MXRA8: variants seen among roughly 807,000 people sequenced by gnomAD.
MXRA8 encodes matrix remodeling associated 8.
A neutral mutation model predicts 51.4 loss-of-function variants in MXRA8; 44 were observed. The observed-to-expected ratio is 0.86, with a 90% CI of 0.67 to 1.10. MXRA8 has a LOEUF of 1.10. Ranked by LOEUF, MXRA8 falls within the 50% of genes least tolerant of loss-of-function variation. The pLI is 0.00. For missense variants in MXRA8, 765 were observed against 638.9 expected (o/e 1.20, Z -2.13); for synonymous variants, 369 against 293.5 (o/e 1.26, Z -2.63).
upstream of MXRA8, chr1:1,358,945 T>G (rs1644185039): frequency 3.0e-6 from 3 of 985,290 alleles, no homozygotes; most frequent in Admixed American, 1.2e-4. Context: ...CCCCTCAGTC[T>G]GCTCCAGGCC....
chr1:1,354,557 G>C (rs2100801853), intron 5 of MXRA8, 48 bp from the exon 6 acceptor site: 1 of 1,589,060 alleles, frequency 6.3e-7, no homozygotes, highest in East Asian at 2.2e-5. Flanking sequence ...AGCAAGACCT[G>C]CGCCCCGACC....
chr1:1,354,448 G>C lies in MXRA8; in HGVS notation c.1011C>G (p.His337Gln), dbSNP rs758704118. The change falls in exon 6 of 10, where the codon CAC becomes CAG. Residue 337 changes from histidine to glutamine, a missense_variant. Physicochemically the swap from His to Gln is conservative, Grantham distance 24 (BLOSUM62 0). Coordinates refer to ENST00000309212, the MANE Select transcript of MXRA8 (RefSeq NM_032348.4). ...GCACGTAGCCCAGCTGCTGGAAGAA[G>C]TGGGCTCGGCTCTCGGGGACGATGA... is the stretch of plus-strand genomic sequence containing the variant. The part of the protein sequence containing the change: ...INVIVPESRA[H>Q]FFQQLGYVLA... 2 of 1,612,496 alleles carry C rather than the reference G, an allele frequency of 1.2e-6. No homozygotes were observed. Among genetic ancestry groups the C allele is most frequent in the Admixed American group, 3.3e-5 (2 of 60,026 alleles).
At chr1:1,355,947 G>A (rs1225035811) in intron 2 of MXRA8, among the ~76,000 whole-genome samples, 195 bp from the exon 3 acceptor site, 1 of 98,590 alleles carries the variant, frequency 1.0e-5, no homozygotes, top group African/African-American at 4.0e-5. Flanking sequence ...AGGGGAGGGG[G>A]AGTCACTGGG....
At chr1:1,357,024 A>T (rs989580077) in intron 1 of MXRA8, among the ~76,000 whole-genome samples, 2 of 152,102 alleles carry the variant, frequency 1.3e-5, no homozygotes, top group African/African-American at 4.8e-5. Flanking sequence ...CCAGAGCACC[A>T]AGGAGGCTGG....
Position 1,354,829 on chromosome 1 carries a change from C to G in MXRA8, c.802G>C (p.Gly268Arg). Residue 268 changes from glycine (G) to arginine (R), a missense_variant, in exon 5 of 10, where the codon GGC (glycine) becomes CGC (arginine). By Grantham distance (125) the Gly-to-Arg change is moderately radical (BLOSUM62 -2). Coordinates refer to ENST00000309212, the MANE Select transcript of MXRA8 (RefSeq NM_032348.4). ...RIEPLEVADE[G>R]TYSCHLHHHY... is the part of the protein sequence containing the mutation. ...TGGTGCAGGTGGCAGGAGTAGGTGC[C>G]CTCGTCGGCGACCTCCAGCGGCTCG... The G allele has an allele frequency of 6.2e-7, 1 of 1,612,236 alleles. No homozygotes were observed. The highest frequency in any genetic ancestry group is 2.2e-5 in the East Asian group (1 of 44,852).
rs1306149298 is a variant in MXRA8, at chr1:1,354,245, C to T, written c.1106-13G>A. The T allele has an allele frequency of 6.2e-7, 1 of 1,611,466 alleles. No individual in the cohort carries two copies. The highest frequency in any genetic ancestry group is 8.5e-7 in the Non-Finnish European group (1 of 1,179,574). Reference sequence around the variant, plus strand: ...GAGTATTCGTAGCCTGGGAAGGAGACTCACATTGGGGGCAGTGCCGCCCCT... The same window carrying T: ...GAGTATTCGTAGCCTGGGAAGGAGATTCACATTGGGGGCAGTGCCGCCCCT... On this transcript the variant is annotated splice_polypyrimidine_tract_variant and intron_variant, in intron 6 of 9. Transcript: ENST00000309212.
chr1:1,361,626 A>C (rs1644223943), upstream of MXRA8: 1 of 388,808 alleles, frequency 2.6e-6, no homozygotes, highest in Non-Finnish European at 4.9e-6. Context: ...ACACCAACAC[A>C]GACAGGGTTA....
Position 1,354,116 on chromosome 1 carries a change from G to A in MXRA8, c.1146-10C>T, listed in dbSNP as rs770036407. The stretch of plus-strand genomic sequence containing the variant: ...CAAGTTAACATCCTTCCTGGATGGC[G>A]AGGGTGGGAGGAGGTTACAGCTGGG... On this transcript the variant is annotated splice_polypyrimidine_tract_variant and intron_variant, in intron 7 of 9. Coordinates refer to ENST00000309212, the MANE Select transcript of MXRA8 (RefSeq NM_032348.4). The A allele has an allele frequency of 8.7e-6, 14 of 1,612,812 alleles. No individual in the cohort carries two copies. The highest frequency in any genetic ancestry group is 2.2e-5 in the East Asian group (1 of 44,896).
At chr1:1,363,181 G>T (rs1436777745), upstream of MXRA8, among the ~76,000 whole-genome samples, 5 of 152,118 alleles carry the variant, frequency 3.3e-5, no homozygotes, top group Non-Finnish European at 5.9e-5. Flanking sequence ...TACTCCAAGG[G>T]CTGAGGCAGA....
Position 1,355,070 on chromosome 1 carries a change from CACGCAGGTCAGAA to C in MXRA8, c.548_560del (p.Leu183ArgfsTer103). Reference sequence around the variant, plus strand: ...GGTCGGTCCACACGTGCCCGCGGTTCACGCAGGTCAGAAGCGCGGGTGCGCCGCGCGCCACCGC... The same window carrying C: ...GGTCGGTCCACACGTGCCCGCGGTTCGCGCGGGTGCGCCGCGCGCCACCGC... On this transcript the variant is annotated frameshift_variant, in exon 5 of 10. Coordinates refer to ENST00000309212, the MANE Select transcript of MXRA8 (RefSeq NM_032348.4). LOFTEE classifies it high-confidence loss of function. The C allele has an allele frequency of 6.2e-7, 1 of 1,600,478 alleles. No individual in the cohort carries two copies. Among genetic ancestry groups the C allele is most frequent in the Non-Finnish European group, 8.5e-7 (1 of 1,176,040 alleles).
chr1:1,353,750 C>T, intron 9 of MXRA8, 98 bp downstream of exon 9: 1 of 1,472,692 alleles, frequency 6.8e-7, no homozygotes, highest in Non-Finnish European at 9.1e-7. Flanking sequence ...TGGCAGGGGC[C>T]CCGGGCCTGG....
chr1:1,361,563 A>C, upstream of MXRA8: 1 of 499,414 alleles, frequency 2.0e-6, no homozygotes, highest in South Asian at 2.1e-5. Flanking sequence ...GGCTGCCAGG[A>C]GTGGTCTTGG....
At chr1:1,358,330 G>A (rs1042110873) in intron 1 of MXRA8, 126 bp downstream of exon 1, 23 of 1,110,424 alleles carry the variant, frequency 2.1e-5, no homozygotes, top group Middle Eastern at 2.3e-4. Context: ...CCCCAGACCC[G>A]TCCTCTTCCC....
chr1:1,353,965 G>T, intron 8 of MXRA8, 37 bp from the exon 9 acceptor site: 1 of 1,596,190 alleles, frequency 6.3e-7, no homozygotes, highest in Non-Finnish European at 8.5e-7. Context: ...CCCGCTCCCA[G>T]GATGCACTTC....
At chr1:1,354,567 C>T in intron 5 of MXRA8, 58 bp from the exon 6 acceptor site, 1 of 1,577,596 alleles carries the variant, frequency 6.3e-7, no homozygotes, top group East Asian at 2.3e-5. Context: ...GCGCCCCGAC[C>T]CGGGCCACGG....
chr1:1,358,799 C>T, upstream of MXRA8: 1 of 1,175,136 alleles, frequency 8.5e-7, no homozygotes, highest in Non-Finnish European at 1.1e-6. Flanking sequence ...GGACATGGGC[C>T]CCTGATACCA....
intron 1 of MXRA8, among the ~76,000 whole-genome samples, 171 bp from the exon 2 acceptor site, chr1:1,356,875 G>A (rs1644145302): frequency 2.6e-5 from 4 of 152,168 alleles, no homozygotes; most frequent in South Asian, 2.1e-4. Flanking sequence ...CCCTGCCACC[G>A]TGCTGGGCTT....
chr1:1,354,498 C>A lies in MXRA8; in HGVS notation c.961G>T (p.Ala321Ser), dbSNP rs1274622951. The change falls in exon 6 of 10, where the codon GCG becomes TCG. Residue 321 changes from alanine (A) to serine (S), a missense_variant. Physicochemically the swap from Ala to Ser is moderately conservative, Grantham distance 99. Coordinates refer to ENST00000309212, the MANE Select transcript of MXRA8 (RefSeq NM_032348.4). ...ACATTGATGACGTTGTGGCCGCGCG[C>A]CAGTGTGGGGTCTGCGGGGAACGCG... is the stretch of plus-strand genomic sequence containing the variant. ...SGAPGPDPTL[A>S]RGHNVINVIV... is the part of the protein sequence containing the mutation. 1.9e-6 allele frequency: 3 copies of A among 1,611,994 alleles called. No individual in the cohort carries two copies. The African/African-American group carries it at 4.0e-5, about 22-fold the overall frequency.
Position 1,354,493 on chromosome 1 carries a change from G to C in MXRA8, c.966C>G (p.Arg322=), listed in dbSNP as rs372076252. ...CGATGACATTGATGACGTTGTGGCC[G>C]CGCGCCAGTGTGGGGTCTGCGGGGA... ...GAPGPDPTLA[R]GHNVINVIVP... Residue 322 remains arginine (R), a synonymous_variant, in exon 6 of 10, where the codon CGC becomes CGG. Transcript: ENST00000309212. 1 of 1,612,090 alleles carries C rather than the reference G, an allele frequency of 6.2e-7. No homozygotes were observed. Among genetic ancestry groups the C allele is most frequent in the African/African-American group, 1.3e-5 (1 of 74,928 alleles).
Sources: allele counts gnomAD v4.1 joint callset (sites outside exome capture counted in the v4.1 genomes callset), GRCh38; gene constraint gnomAD v4.1.1; transcripts MANE v1.5; gene names NCBI Gene and HGNC (gene_info 2026-07-23, HGNC 2026-07-21).